Variants in UNC5C observed in about 807,000 individuals in gnomAD.
UNC5C encodes the protein unc-5 netrin receptor C.
A neutral mutation model predicts 99.8 loss-of-function variants in UNC5C; 47 were observed. The ratio of observed to expected loss-of-function variants is 0.47; its 90% CI spans 0.37 to 0.60. The LOEUF is 0.60. UNC5C is among the 20% of genes least tolerant of loss of function. UNC5C has a pLI of 0.00. For synonymous variants in UNC5C, 487 were observed against 452.2 expected (o/e 1.08, Z -0.98); for missense variants, 1,062 against 1,165.9 (o/e 0.91, Z 1.30).
intron 12 of UNC5C, among the ~76,000 whole-genome samples, chr4:95,198,110 C>T (rs895420511): frequency 6.6e-6 from 1 of 151,854 alleles, no homozygotes; most frequent in Admixed American, 6.6e-5. Flanking sequence ...ACCTCAGCCT[C>T]CTCAGTAGCT....
intron 1 of UNC5C, among the ~76,000 whole-genome samples, chr4:95,429,372 T>G (rs1308406680): frequency 6.6e-6 from 1 of 151,892 alleles, no homozygotes; most frequent in Non-Finnish European, 1.5e-5. Flanking sequence ...GTCTGTACTA[T>G]ATTAAGTACA....
chr4:95,283,634 G>T (rs57533573), intron 3 of UNC5C, among the ~76,000 whole-genome samples: 12,349 of 152,248 alleles, frequency 0.081, 1,602 homozygotes, highest in African/African-American at 0.28. Flanking sequence ...GGTGACGAAT[G>T]AATAAGAATG....
intron 14 of UNC5C, among the ~76,000 whole-genome samples, chr4:95,176,747 C>T (rs1736368233): frequency 1.3e-5 from 2 of 152,238 alleles, no homozygotes; most frequent in Admixed American, 6.5e-5. Flanking sequence ...AGGCAGGCCT[C>T]CTTGAGCTGT....
chr4:95,290,497 A>C (rs1483873825), intron 3 of UNC5C, among the ~76,000 whole-genome samples: 1 of 152,198 alleles, frequency 6.6e-6, no homozygotes, highest in African/African-American at 2.4e-5. Flanking sequence ...TGCAAAGAGA[A>C]AAGTTTGTTT....
At chr4:95,248,338 T>C in intron 5 of UNC5C, 1 of 264,584 alleles carries the variant, frequency 3.8e-6, no homozygotes, top group South Asian at 3.4e-5. Flanking sequence ...GATGCAGTTA[T>C]AGTTGAATGC....
At chr4:95,190,754 T>A (rs868741605) in intron 12 of UNC5C, among the ~76,000 whole-genome samples, 5 of 152,158 alleles carry the variant, frequency 3.3e-5, no homozygotes, top group Non-Finnish European at 7.3e-5. Flanking sequence ...GCAGGCCACC[T>A]GCCTCAGAGC....
At chr4:95,175,472 G>A (rs1375240760) in intron 14 of UNC5C, among the ~76,000 whole-genome samples, 2 of 151,344 alleles carry the variant, frequency 1.3e-5, no homozygotes, top group East Asian at 3.9e-4. Context: ...TTGCTTGTCT[G>A]TAAAGTATTT....
At chr4:95,223,562 C>A (rs1738556291) in intron 7 of UNC5C, among the ~76,000 whole-genome samples, 1 of 152,194 alleles carries the variant, frequency 6.6e-6, no homozygotes, top group Non-Finnish European at 1.5e-5. Flanking sequence ...GAGAGCTTTG[C>A]TGTAGCACAG....
intron 2 of UNC5C, among the ~76,000 whole-genome samples, chr4:95,330,055 T>C (rs1448994050): frequency 6.6e-6 from 1 of 152,154 alleles, no homozygotes; most frequent in Non-Finnish European, 1.5e-5. Flanking sequence ...ATGTATTGAA[T>C]AAACTATTTT....
chr4:95,376,109 A>G (rs1314700402), intron 1 of UNC5C, among the ~76,000 whole-genome samples: 2 of 151,918 alleles, frequency 1.3e-5, no homozygotes, highest in African/African-American at 4.8e-5. Context: ...AAACAGAATC[A>G]ATGTTTGATT....
chr4:95,270,940 C>T (rs1740636905), intron 4 of UNC5C, among the ~76,000 whole-genome samples: 1 of 152,164 alleles, frequency 6.6e-6, no homozygotes, highest in South Asian at 2.1e-4. Flanking sequence ...TAAAAGTGTT[C>T]AGGTCTATAG....
chr4:95,254,922 C>T (rs183253931), intron 4 of UNC5C, among the ~76,000 whole-genome samples: 1 of 151,998 alleles, frequency 6.6e-6, no homozygotes, highest in South Asian at 2.1e-4. Context: ...ACTGTCAATG[C>T]TCTCATCCCT....
At chr4:95,525,665 T>C (rs893781914) in intron 1 of UNC5C, among the ~76,000 whole-genome samples, 24 of 148,396 alleles carry the variant, frequency 1.6e-4, no homozygotes, top group Admixed American at 7.4e-4. Context: ...ATACTGGATG[T>C]GGAAGTGTCA....
rs1340986554 is a variant in UNC5C, at chr4:95,424,572, A to G, written c.125-88941T>C. ...CTTCTTGCTCTGTGGCCCTGGCTGG[A>G]GTGCAGTGGCGCAATCTCGGCTCAC... On this transcript the variant is annotated intron_variant, in intron 1 of 15. Coordinates refer to ENST00000453304, the MANE Select transcript of UNC5C (RefSeq NM_003728.4). Among the ~76,000 whole-genome samples the G allele has an allele frequency of 8.0e-5, 9 of 112,992 alleles. No homozygotes were observed. The Admixed American group carries it at 1.1e-3, about 14-fold the overall frequency. 74.1% of individuals were successfully genotyped at this position (112,992 alleles called of 152,430 possible). A position where few individuals can be genotyped will look rare whatever the true frequency, so the allele number is the denominator to read the frequency against.
At chr4:95,540,346 T>A (rs1205011823) in intron 1 of UNC5C, among the ~76,000 whole-genome samples, 1 of 152,130 alleles carries the variant, frequency 6.6e-6, no homozygotes, top group Admixed American at 6.6e-5. Context: ...CACAAATAAA[T>A]CATTTGAACA....
chr4:95,533,272 G>A (rs999887635), intron 1 of UNC5C, among the ~76,000 whole-genome samples: 5 of 151,902 alleles, frequency 3.3e-5, no homozygotes, highest in South Asian at 2.1e-4. Flanking sequence ...GGTGGCGGGC[G>A]TCTGTAATGC....
chr4:95,448,720 G>A (rs1747194210), intron 1 of UNC5C, among the ~76,000 whole-genome samples: 1 of 152,118 alleles, frequency 6.6e-6, no homozygotes, highest in Admixed American at 6.5e-5. Flanking sequence ...TGACATGAAA[G>A]TATATGCTAA....
chr4:95,478,586 G>T (rs1721032654), intron 1 of UNC5C, among the ~76,000 whole-genome samples: 1 of 151,954 alleles, frequency 6.6e-6, no homozygotes, highest in Non-Finnish European at 1.5e-5. Flanking sequence ...AAATGACACT[G>T]ATGTGTATGT....
chr4:95,507,949 C>A (rs1419207062), intron 1 of UNC5C, among the ~76,000 whole-genome samples: 3 of 151,986 alleles, frequency 2.0e-5, no homozygotes, highest in East Asian at 1.9e-4. Flanking sequence ...ATCAATGTTA[C>A]CTTCTTTGAA....
Sources: allele counts gnomAD v4.1 joint callset (sites outside exome capture counted in the v4.1 genomes callset), GRCh38; gene constraint gnomAD v4.1.1; transcripts MANE v1.5; gene names NCBI Gene and HGNC (gene_info 2026-07-23, HGNC 2026-07-21).